Variants in OR6Y1 observed in about 807,000 individuals in gnomAD.
OR6Y1 encodes the protein olfactory receptor 6Y1.
Under a neutral mutation model 0.4 loss-of-function variants are expected in OR6Y1, and 1 was observed. The observed-to-expected ratio is 2.74, with a 90% CI of 0.97 to 13.02. The LOEUF (loss-of-function observed/expected upper bound fraction) is 13.02. Among genes scored for constraint, OR6Y1 ranks in the 30% most tolerant of loss-of-function variants. The pLI is 0.12. For missense variants in OR6Y1, 480 were observed against 399.8 expected, an observed-to-expected ratio of 1.20 and a Z score of -1.71; for synonymous variants, 173 against 141.1, an observed-to-expected ratio of 1.23 and a Z score of -1.60.
intron 1 of OR6Y1, among the ~76,000 whole-genome samples, chr1:158,550,822 T>C (rs1324412042): frequency 6.6e-6 from 1 of 151,762 alleles, no homozygotes; most frequent in East Asian, 1.9e-4. Flanking sequence ...GGAAGTTTTA[T>C]AGCAACTGGA....
rs941161162 is a variant in OR6Y1 at position 158,548,871 on chromosome 1, A to G, written c.-766T>C. The G allele has an allele frequency of 2.0e-5, 3 of 151,858 alleles. No individual in the cohort carries two copies. Among genetic ancestry groups the G allele is most frequent in the Non-Finnish European group, 4.4e-5 (3 of 68,034 alleles). 9.4% of individuals were successfully genotyped at this position (151,858 alleles called of 1,614,324 possible). On this transcript the variant is annotated 5_prime_UTR_variant, in exon 2 of 2. Transcript: ENST00000641622. ...ACTTTATTTCTAAAATGGGGATAAT[A>G]CAATGGGGTTCACATTTTGTGAACA... is the stretch of plus-strand genomic sequence containing the variant.
chr1:158,550,404 T>C (rs1647671832), intron 1 of OR6Y1, among the ~76,000 whole-genome samples: 1 of 151,176 alleles, frequency 6.6e-6, no homozygotes, highest in African/African-American at 2.5e-5. Context: ...AAAGTAAAAA[T>C]ACAAGGAAAT....
rs1647624633 is a variant in OR6Y1, at chr1:158,548,771, A to G, written c.-666T>C. On this transcript the variant is annotated 5_prime_UTR_variant, in exon 2 of 2. Coordinates refer to ENST00000641622, the MANE Select transcript of OR6Y1 (RefSeq NM_001005189.2). ...AAAGTGCTTGCTTAGGAGTTTGACA[A>G]AAGTGCATTCAAATCCAACTTTTGT... 6.6e-6 allele frequency: 1 copy of G among 151,880 alleles called. No individual in the cohort carries two copies. The highest frequency in any genetic ancestry group is 6.6e-5 in the Admixed American group (1 of 15,262). 9.4% of individuals were successfully genotyped at this position (151,880 alleles called of 1,614,324 possible).
At chr1:158,553,693 T>C (rs1647760257) in intron 1 of OR6Y1, among the ~76,000 whole-genome samples, 2 of 152,202 alleles carry the variant, frequency 1.3e-5, no homozygotes, top group Non-Finnish European at 1.5e-5. Flanking sequence ...ACCTATGTTC[T>C]ACCCACCACT....
rs980268615 is a variant in OR6Y1 at position 158,545,304 on chromosome 1, A to G, written c.*1824T>C. Reference sequence around the variant, plus strand: ...GAATGGCTATTATTATGGACACAGGAACATCACACTCCGGGGAATGTTGTG... The same window carrying G: ...GAATGGCTATTATTATGGACACAGGGACATCACACTCCGGGGAATGTTGTG... On this transcript the variant is annotated 3_prime_UTR_variant, in exon 2 of 2. Coordinates refer to ENST00000641622, the MANE Select transcript of OR6Y1 (RefSeq NM_001005189.2). The G allele has an allele frequency of 1.5e-5, 2 of 132,956 alleles. No individual in the cohort carries two copies. The highest frequency in any genetic ancestry group is 2.6e-4 in the South Asian group (1 of 3,826). 8.2% of individuals were successfully genotyped at this position (132,956 alleles called of 1,614,324 possible). A position where few individuals can be genotyped will look rare whatever the true frequency, so the allele number is the denominator to read the frequency against.
In OR6Y1 at chr1:158,545,072, A is replaced by G. The variant is rs955693666; in HGVS notation, c.*2056T>C. 3.9e-5 allele frequency: 6 copies of G among 152,114 alleles called. No homozygotes were observed. The highest frequency in any genetic ancestry group is 5.9e-5 in the Non-Finnish European group (4 of 68,026). The allele number at this position is 152,114 out of a possible 1,614,324, so 9.4% of individuals were successfully genotyped here. On this transcript the variant is annotated 3_prime_UTR_variant, in exon 2 of 2. Transcript: ENST00000641622. ...TACCCAGTAATGGGATTGCTGGGTC[A>G]AATGGTATTTCTGTTTTTAAGTCTT...
At position 158,546,180 on chromosome 1, in the gene OR6Y1, C is replaced by G. The variant is rs930503497; in HGVS notation, c.*948G>C. On this transcript the variant is annotated 3_prime_UTR_variant, in exon 2 of 2. Coordinates refer to ENST00000641622, the MANE Select transcript of OR6Y1 (RefSeq NM_001005189.2). ...ACCAGTCATATTGTCTTAGGGCCCA[C>G]CCTAGCAGTCAAATTTTAGCTCGAT... 2 of 152,066 alleles carry G rather than the reference C, an allele frequency of 1.3e-5. No individual in the cohort carries two copies. The highest frequency in any genetic ancestry group is 4.8e-5 in the African/African-American group (2 of 41,386). The allele number at this position is 152,066 out of a possible 1,614,324, so 9.4% of individuals were successfully genotyped here.
intron 1 of OR6Y1, among the ~76,000 whole-genome samples, chr1:158,550,229 GA>G (rs1182356219): frequency 1.6e-5 from 1 of 63,878 alleles, no homozygotes; most frequent in Non-Finnish European, 3.1e-5. Context: ...CTTTGCAATA[GA>G]TATTGTCATT....
rs1448222420 is a variant in OR6Y1, at chr1:158,547,108, G to GA, written c.*19dup. 1 of 1,599,068 alleles carries GA rather than the reference G, an allele frequency of 6.3e-7. No individual in the cohort carries two copies. Among genetic ancestry groups the GA allele is most frequent in the Non-Finnish European group, 8.5e-7 (1 of 1,173,908 alleles). On this transcript the variant is annotated 3_prime_UTR_variant, in exon 2 of 2. Transcript: ENST00000641622. ...AGTGATCATCTCTCAGTTCAAGCCTGAAAGGAATCTATACATTTTTTAACT... is the reference window on the plus strand; with the variant it reads ...AGTGATCATCTCTCAGTTCAAGCCTGAAAAGGAATCTATACATTTTTTAACT...
At position 158,547,360 on chromosome 1, in the gene OR6Y1, T is replaced by C; in HGVS notation, c.746A>G (p.His249Arg). ...ATAGAAGAGAATTACGACGGTCAGG[T>C]GGGAGGCACAGGTGGAGAATGCCTT... The part of the protein sequence containing the change: ...RQKAFSTCAS[H>R]LTVVILFYSM... Residue 249 changes from histidine to arginine, a missense_variant, in exon 2 of 2, where the codon CAC (histidine) becomes CGC (arginine). Physicochemically the swap from His to Arg is conservative, Grantham distance 29. Transcript: ENST00000641622. 1.9e-6 allele frequency: 3 copies of C among 1,613,322 alleles called. No individual in the cohort carries two copies. Among genetic ancestry groups the C allele is most frequent in the Non-Finnish European group, 2.5e-6 (3 of 1,179,906 alleles).
chr1:158,544,595 C>G lies in OR6Y1; in HGVS notation c.*2533G>C, dbSNP rs1647465966. Reference sequence around the variant, plus strand: ...TGTGTAGGTTTATTATATAGGTAATCTTGTATTATGGGGGTTTGTTGTACA... The same window carrying G: ...TGTGTAGGTTTATTATATAGGTAATGTTGTATTATGGGGGTTTGTTGTACA... On this transcript the variant is annotated 3_prime_UTR_variant, in exon 2 of 2. Transcript: ENST00000641622. 1 of 151,916 alleles carries G rather than the reference C, an allele frequency of 6.6e-6. No individual in the cohort carries two copies. The highest frequency in any genetic ancestry group is 6.6e-5 in the Admixed American group (1 of 15,254). The allele number at this position is 151,916 out of a possible 1,614,324, so 9.4% of individuals were successfully genotyped here.
chr1:158,553,754 C>T (rs898143216), intron 1 of OR6Y1, among the ~76,000 whole-genome samples: 2 of 152,166 alleles, frequency 1.3e-5, no homozygotes, highest in Admixed American at 6.5e-5. Context: ...ATTTCATCCT[C>T]TACTCCATTT....
chr1:158,546,886 T>C lies in OR6Y1; in HGVS notation c.*242A>G, dbSNP rs73014207. 5.5e-3 allele frequency: 1,917 copies of C among 349,326 alleles called. 29 individuals are homozygous for C. The highest frequency in any genetic ancestry group is 0.038 in the African/African-American group (1,805 of 47,528). The allele number at this position is 349,326 out of a possible 1,614,324, so 21.6% of individuals were successfully genotyped here. On this transcript the variant is annotated 3_prime_UTR_variant, in exon 2 of 2. Transcript: ENST00000641622. ...CTGTCTCTCTCTCTGTGTTTCTTCC[T>C]GATTTCAAATAGCTTTTCTAACATT...
Position 158,546,839 on chromosome 1 carries a change from T to A in OR6Y1, c.*289A>T, listed in dbSNP as rs1647548942. On this transcript the variant is annotated 3_prime_UTR_variant, in exon 2 of 2. Coordinates refer to ENST00000641622, the MANE Select transcript of OR6Y1 (RefSeq NM_001005189.2). ...AAAAGTATTCATCTTCCTCCTTTCC[T>A]CCCTCCTACCACCCACTCTCTCTGT... 1 of 254,944 alleles carries A rather than the reference T, an allele frequency of 3.9e-6. No homozygotes were observed. 15.8% of individuals were successfully genotyped at this position (254,944 alleles called of 1,614,324 possible).
Position 158,545,172 on chromosome 1 carries a change from T to G in OR6Y1, c.*1956A>C, listed in dbSNP as rs1391471107. ...CCAACAACATTGAATACGTGTTCCT[T>G]TTTCTCCACAACCTCACCAGCATCT... On this transcript the variant is annotated 3_prime_UTR_variant, in exon 2 of 2. Transcript: ENST00000641622. 1 of 151,856 alleles carries G rather than the reference T, an allele frequency of 6.6e-6. No individual in the cohort carries two copies. Among genetic ancestry groups the G allele is most frequent in the Non-Finnish European group, 1.5e-5 (1 of 67,948 alleles). The allele number at this position is 151,856 out of a possible 1,614,324, so 9.4% of individuals were successfully genotyped here.
At chr1:158,551,250 G>A (rs980309291) in intron 1 of OR6Y1, among the ~76,000 whole-genome samples, 5 of 151,602 alleles carry the variant, frequency 3.3e-5, no homozygotes, top group South Asian at 2.1e-4. Flanking sequence ...TGAAGGTTCC[G>A]GTACTCTGAA....
At position 158,547,001 on chromosome 1, in the gene OR6Y1, G is replaced by GCA. The variant is rs372930759; in HGVS notation, c.*125_*126dup. On this transcript the variant is annotated 3_prime_UTR_variant, in exon 2 of 2. Coordinates refer to ENST00000641622, the MANE Select transcript of OR6Y1 (RefSeq NM_001005189.2). ...ATTGTGTATACACACACACACACAT[G>GCA]CACACACACACAGAGGAGAGCAGTG... is the stretch of plus-strand genomic sequence containing the variant. 2.3e-4 allele frequency: 189 copies of GCA among 822,866 alleles called. No homozygotes were observed. Among genetic ancestry groups the GCA allele is most frequent in the Middle Eastern group, 7.5e-4 (2 of 2,680 alleles). The allele number at this position is 822,866 out of a possible 1,614,324, so 51.0% of individuals were successfully genotyped here.
In OR6Y1 at chr1:158,552,313, C is replaced by T. The variant is rs533305084; in HGVS notation, c.-1433+1953G>A. Among the ~76,000 whole-genome samples the T allele has an allele frequency of 1.3e-4, 20 of 150,278 alleles. No individual in the cohort carries two copies. In the South Asian group the frequency reaches 4.2e-3, roughly 32 times the overall value. ...TGTGATCATCCTCTTTGGATGATTC[C>T]AGCTTAACTGGGACATTTAATGGGG... is the stretch of plus-strand genomic sequence containing the variant. On this transcript the variant is annotated intron_variant, in intron 1 of 1. Coordinates refer to ENST00000641622, the MANE Select transcript of OR6Y1 (RefSeq NM_001005189.2).
rs1011276538 is a variant in OR6Y1 at position 158,545,108 on chromosome 1, T to C, written c.*2020A>G. ...CTGTTTTTAAGTCTTTGAGGAATCG[T>C]TACACTGTCTTTTACATAGATTGAA... On this transcript the variant is annotated 3_prime_UTR_variant, in exon 2 of 2. Transcript: ENST00000641622. 4.6e-5 allele frequency: 7 copies of C among 152,072 alleles called. No individual in the cohort carries two copies. Among genetic ancestry groups the C allele is most frequent in the Admixed American group, 3.3e-4 (5 of 15,258 alleles). 9.4% of individuals were successfully genotyped at this position (152,072 alleles called of 1,614,324 possible).
Sources: gnomAD v4.1 joint callset for allele counts (sites outside exome capture counted in the v4.1 genomes callset) on GRCh38, gnomAD v4.1.1 for gene constraint, MANE v1.5 for transcripts, NCBI Gene and HGNC (gene_info 2026-07-23, HGNC 2026-07-21) for gene names.